SHANK1: variants seen among roughly 807,000 people sequenced by gnomAD.
SHANK1 encodes the protein SH3 and multiple ankyrin repeat domains protein 1.
In SHANK1, 35 loss-of-function variants were observed where a neutral mutation model predicts 165.6. That is an observed-to-expected ratio of 0.21 (90% CI 0.16 to 0.28). SHANK1 has a LOEUF of 0.28. SHANK1 is among the 10% of genes least tolerant of loss of function. SHANK1 has a pLI of 1.00. For synonymous variants in SHANK1, 1,428 were observed against 1,384.8 expected (o/e 1.03, Z -0.69); for missense variants, 2,681 against 3,036.4 (o/e 0.88, Z 2.75).
At chr19:50,700,277 A>ACTCGGGGCATTGGAGGATTGGAGGG (rs1986876203) in intron 12 of SHANK1, among the ~76,000 whole-genome samples, 12 of 42,146 alleles carry the variant, frequency 2.8e-4, no homozygotes, top group Non-Finnish European at 3.2e-4. Flanking sequence ...AGAGTGGAGG[A>ACTCGGGGCATTGGAGGATTGGAGGG]CTCGGGGCAT....
chr19:50,681,886 C>G (rs1314513693), intron 21 of SHANK1, among the ~76,000 whole-genome samples: 1 of 152,182 alleles, frequency 6.6e-6, no homozygotes, highest in South Asian at 2.1e-4. Context: ...ATCCTCCCAC[C>G]TCGGCACACA....
chr19:50,716,234 C>G lies in SHANK1; in HGVS notation c.459+41G>C. ...GGTGGGGGGCAGATGTGTTTTAGGG[C>G]ATGCCTTCTCTTATCAGTGAAGGAG... On this transcript the variant is annotated intron_variant, in intron 3 of 23. Transcript: ENST00000293441. This position sits in a 1 kb window ranked among gnomAD's most constrained non-coding sequence, Gnocchi z 8.4. The G allele has an allele frequency of 6.3e-7, 1 of 1,581,530 alleles. No individual in the cohort carries two copies. The highest frequency in any genetic ancestry group is 1.3e-5 in the African/African-American group (1 of 74,426).
chr19:50,702,788 G>C lies in SHANK1; in HGVS notation c.1554-128C>G. 1 of 642,364 alleles carries C rather than the reference G, an allele frequency of 1.6e-6. No homozygotes were observed. The highest frequency in any genetic ancestry group is 2.6e-6 in the Non-Finnish European group (1 of 377,900). The allele number at this position is 642,364 out of a possible 1,614,324, so 39.8% of individuals were successfully genotyped here. On this transcript the variant is annotated intron_variant, in intron 11 of 23. Transcript: ENST00000293441. This position sits in a 1 kb window ranked among gnomAD's most constrained non-coding sequence, Gnocchi z 5.3. ...GGAGGGGGGGTTTCCCAGCACTGGC[G>C]TCCTCCAAGGAAGAGGGCATTTGGG...
At position 50,714,234 on chromosome 19, in the gene SHANK1, C is replaced by T. The variant is rs778366247; in HGVS notation, c.588G>A (p.Ala196=). Residue 196 remains alanine (A), a synonymous_variant, in exon 5 of 24, where the codon GCG becomes GCA. Transcript: ENST00000293441. Reference sequence around the variant, plus strand: ...GGTCCAGCCCCTTGTCCAGCAGCCGCGCCACCTTGTCAGATGTCCCGAGCT... The same window carrying T: ...GGTCCAGCCCCTTGTCCAGCAGCCGTGCCACCTTGTCAGATGTCCCGAGCT... The part of the protein sequence containing the change: ...YVQLGTSDKV[A]RLLDKGLDPN... 45 of 1,614,044 alleles carry T rather than the reference C, an allele frequency of 2.8e-5. No individual in the cohort carries two copies. The African/African-American group carries it at 3.5e-4, about 12-fold the overall frequency.
Position 50,688,147 on chromosome 19 carries a change from G to C in SHANK1, c.2173-89C>G. ...AGACCCCAAGGAGGATGCCTCCTGC[G>C]CTGCCCTGTCCATGGCCCTCTGGGC... On this transcript the variant is annotated intron_variant, in intron 17 of 23. Coordinates refer to ENST00000293441, the MANE Select transcript of SHANK1 (RefSeq NM_016148.5). This position sits in a 1 kb window ranked among gnomAD's most constrained non-coding sequence, Gnocchi z 6.7. The C allele has an allele frequency of 6.7e-7, 1 of 1,501,084 alleles. No homozygotes were observed. The highest frequency in any genetic ancestry group is 9.1e-7 in the Non-Finnish European group (1 of 1,095,032). The allele number at this position is 1,501,084 out of a possible 1,614,324, so 93.0% of individuals were successfully genotyped here. A position where few individuals can be genotyped will look rare whatever the true frequency, so the allele number is the denominator to read the frequency against.
chr19:50,701,594 AT>A (rs34977465), intron 12 of SHANK1, among the ~76,000 whole-genome samples: 14,063 of 152,138 alleles, frequency 0.092, 1,093 homozygotes, highest in Admixed American at 0.25. Flanking sequence ...CATTTTACAG[AT>A]GAAGAAACTG....
chr19:50,711,258 A>C, intron 8 of SHANK1, 113 bp downstream of exon 8: 1 of 643,264 alleles, frequency 1.6e-6, no homozygotes. Flanking sequence ...GGGTGGAAAT[A>C]GTGAAGAAGT....
Position 50,666,898 on chromosome 19 carries a change from G to A in SHANK1, c.5062C>T (p.Leu1688=). ...GTGGAGGCGCTGCTGATGGTCTCCA[G>A]TGGGTGGTCACTGCTGCTCCGACTG... ...VDSRSSSDHP[L]ETISSASTLS... Residue 1688 remains leucine, a synonymous_variant, in exon 23 of 24, where the codon CTG becomes TTG. Coordinates refer to ENST00000293441, the MANE Select transcript of SHANK1 (RefSeq NM_016148.5). 6.3e-7 allele frequency: 1 copy of A among 1,596,976 alleles called. No individual in the cohort carries two copies. The highest frequency in any genetic ancestry group is 8.5e-7 in the Non-Finnish European group (1 of 1,173,584).
intron 12 of SHANK1, among the ~76,000 whole-genome samples, chr19:50,698,428 G>T (rs376335490): frequency 2.0e-5 from 3 of 151,958 alleles, no homozygotes; most frequent in African/African-American, 7.3e-5. Context: ...TGTCTCTCTC[G>T]GCCTCTCCTG....
chr19:50,709,513 G>C (rs745991168), intron 8 of SHANK1, among the ~76,000 whole-genome samples: 64 of 151,818 alleles, frequency 4.2e-4, no homozygotes, highest in Non-Finnish European at 1.3e-4. Flanking sequence ...AATGACTTGT[G>C]CAACTGTCCC....
intron 15 of SHANK1, 119 bp from the exon 16 acceptor site, chr19:50,689,398 AT>A (rs755023609): frequency 3.9e-6 from 3 of 767,850 alleles, no homozygotes; most frequent in Non-Finnish European, 7.1e-6. Context: ...AGGGCCATTA[AT>A]TGCATCTCCT....
chr19:50,668,687 C>G lies in SHANK1; in HGVS notation c.3273G>C (p.Ala1091=), dbSNP rs1300517391. The change falls in exon 23 of 24, where the codon GCG becomes GCC. Residue 1091 remains alanine, a synonymous_variant. Transcript: ENST00000293441. The part of the protein sequence containing the change: ...ALRYFQLPPR[A]ASAAMYVPAR... ...CGGGCACGTACATGGCTGCGCTGGC[C>G]GCCCGCGGGGGCAGCTGGAAATAGC... The G allele has an allele frequency of 4.3e-5, 56 of 1,307,400 alleles. No individual in the cohort carries two copies. The highest frequency in any genetic ancestry group is 5.4e-5 in the Non-Finnish European group (56 of 1,034,468). 81.0% of individuals were successfully genotyped at this position (1,307,400 alleles called of 1,614,324 possible).
chr19:50,669,209 C>G lies in SHANK1; in HGVS notation c.2751G>C (p.Ser917=). ...TGGTGGGTGGCGGGGGAATGTCCTCCGAACCAGGCACAGACAGGCTGCGGC... is the reference window on the plus strand; with the variant it reads ...TGGTGGGTGGCGGGGGAATGTCCTCGGAACCAGGCACAGACAGGCTGCGGC... ...KFSRSLSVPG[S]EDIPPPPTTS... The change falls in exon 23 of 24, where the codon TCG becomes TCC. Residue 917 remains serine, a synonymous_variant. Transcript: ENST00000293441. 3.7e-6 allele frequency: 6 copies of G among 1,610,854 alleles called. No homozygotes were observed. The highest frequency in any genetic ancestry group is 5.1e-6 in the Non-Finnish European group (6 of 1,178,698).
In SHANK1 at chr19:50,667,119, G is replaced by A; in HGVS notation, c.4841C>T (p.Pro1614Leu). 6.4e-7 allele frequency: 1 copy of A among 1,557,036 alleles called. No individual in the cohort carries two copies. The highest frequency in any genetic ancestry group is 8.6e-7 in the Non-Finnish European group (1 of 1,158,108). The change falls in exon 23 of 24, where the codon CCT becomes CTT. Residue 1614 changes from proline (P) to leucine (L), a missense_variant. By Grantham distance (98) the Pro-to-Leu change is moderately conservative (BLOSUM62 -3). Coordinates refer to ENST00000293441, the MANE Select transcript of SHANK1 (RefSeq NM_016148.5). The surrounding 1 kb of genome is among the most constrained non-coding windows in gnomAD (Gnocchi z 5.7). ...GGATGCGGTGGAGTCCAGGGTGGGA[G>A]GGGCTGCGGCCACAGCCGGGGGTGG... ...PVPPPAVAAA[P>L]PTLDSTASSL...
intron 8 of SHANK1, among the ~76,000 whole-genome samples, chr19:50,710,610 G>A (rs1029276293): frequency 3.3e-5 from 5 of 152,120 alleles, no homozygotes; most frequent in African/African-American, 1.2e-4. Context: ...TGCCTGCTCC[G>A]TACCTCTCCT....
Position 50,716,657 on chromosome 19 carries a change from G to A in SHANK1, c.255+8C>T, listed in dbSNP as rs1279294889. 3.2e-6 allele frequency: 5 copies of A among 1,563,868 alleles called. No homozygotes were observed. The highest frequency in any genetic ancestry group is 3.5e-6 in the Non-Finnish European group (4 of 1,154,178). On this transcript the variant is annotated splice_region_variant and intron_variant, in intron 2 of 23. Transcript: ENST00000293441. The surrounding 1 kb of genome is among the most constrained non-coding windows in gnomAD (Gnocchi z 8.4). ...TCTCCTGCCGCTGGCCAGTGGGCAG[G>A]TACTCACTGTCTGGTGCAGGTCCGG... is the stretch of plus-strand genomic sequence containing the variant.
rs1986840652 is a variant in SHANK1 at position 50,699,592 on chromosome 19, G to A, written c.1748-1636C>T. ...AAGGACCAGCATGTTTGAAGAGTTT[G>A]GTGTACAAGAAAGCTTGGGACATTG... On this transcript the variant is annotated intron_variant, in intron 12 of 23. Coordinates refer to ENST00000293441, the MANE Select transcript of SHANK1 (RefSeq NM_016148.5). 3.9e-5 allele frequency among the ~76,000 whole-genome samples: 6 copies of A among 152,318 alleles called. No individual in the cohort carries two copies. In the South Asian group the frequency reaches 1.2e-3, roughly 32 times the overall value.
rs1221932525 is a variant in SHANK1 at position 50,667,375 on chromosome 19, G to A, written c.4585C>T (p.Pro1529Ser). ...PPPSPRRSVPPSPTSPRASEE... is the reference protein window; with the variant it reads ...PPPSPRRSVPSSPTSPRASEE... Reference sequence around the variant, plus strand: ...CTGGCCCTCGGGGAGGTCGGGGAGGGGGGCACGGACCGGCGTGGGCTGGGC... The same window carrying A: ...CTGGCCCTCGGGGAGGTCGGGGAGGAGGGCACGGACCGGCGTGGGCTGGGC... The change falls in exon 23 of 24, where the codon CCC becomes TCC. Residue 1529 changes from proline (P) to serine (S), a missense_variant. Pro to Ser is a moderately conservative substitution (Grantham distance 74, BLOSUM62 -1). Coordinates refer to ENST00000293441, the MANE Select transcript of SHANK1 (RefSeq NM_016148.5). The surrounding 1 kb of genome is among the most constrained non-coding windows in gnomAD (Gnocchi z 5.7). The A allele has an allele frequency of 6.5e-7, 1 of 1,534,144 alleles. No individual in the cohort carries two copies. Among genetic ancestry groups the A allele is most frequent in the Admixed American group, 1.9e-5 (1 of 54,048 alleles).
intron 21 of SHANK1, among the ~76,000 whole-genome samples, chr19:50,684,608 T>C (rs1019804311): frequency 6.6e-6 from 1 of 152,164 alleles, no homozygotes; most frequent in Middle Eastern, 3.4e-3. Context: ...TGTGCACTTG[T>C]ACAGGAAAAA....
Sources: allele counts gnomAD v4.1 joint callset (sites outside exome capture counted in the v4.1 genomes callset), GRCh38; gene constraint gnomAD v4.1.1; non-coding constraint Gnocchi (gnomAD v3.1); transcripts MANE v1.5; gene names NCBI Gene and HGNC (gene_info 2026-07-23, HGNC 2026-07-21).